PRKCG: variants seen among roughly 807,000 people sequenced by gnomAD.
PRKCG encodes the protein protein kinase C gamma.
In PRKCG, 28 loss-of-function variants were observed where a neutral mutation model predicts 82.0. The observed-to-expected ratio is 0.34, with a 90% confidence interval of 0.25 to 0.47. The LOEUF is 0.47. PRKCG is among the 20% of genes least tolerant of loss of function. The pLI is 1.00. For synonymous variants in PRKCG, 383 were observed against 376.6 expected (o/e 1.02, Z -0.20); for missense variants, 640 against 952.7 (o/e 0.67, Z 4.32).
At chr19:53,891,948 CAGA>C (rs2068679758) in intron 6 of PRKCG, 118 bp downstream of exon 6, 4 of 1,318,268 alleles carry the variant, frequency 3.0e-6, no homozygotes, top group Non-Finnish European at 3.2e-6. Context: ...CAGAAAAGGG[CAGA>C]AGAAGATGGT....
At position 53,883,434 on chromosome 19, in the gene PRKCG, A is replaced by C. The variant is rs1568749330; in HGVS notation, c.202+240A>C. Among the ~76,000 whole-genome samples the C allele has an allele frequency of 6.8e-6, 1 of 147,776 alleles. No homozygotes were observed. Among genetic ancestry groups the C allele is most frequent in the Admixed American group, 6.7e-5 (1 of 14,862 alleles). ...GCTCCAGGTGGGGACAGATATTTGG[A>C]GAATCTGTTGCCATGGGAACATGGA... On this transcript the variant is annotated intron_variant, in intron 2 of 17. Coordinates refer to ENST00000263431, the MANE Select transcript of PRKCG (RefSeq NM_002739.5). This position sits in a 1 kb window ranked among gnomAD's most constrained non-coding sequence, Gnocchi z 5.4.
In PRKCG at chr19:53,883,333, C is replaced by T; in HGVS notation, c.202+139C>T. ...CCCGGGGCGGGGGGTGTGGCAGAGA[C>T]ACAGCCTGTGGTGGGGAGGGAGCTT... On this transcript the variant is annotated intron_variant, in intron 2 of 17. Transcript: ENST00000263431. The surrounding 1 kb of genome is among the most constrained non-coding windows in gnomAD (Gnocchi z 5.4). 1.9e-6 allele frequency: 2 copies of T among 1,075,514 alleles called. No individual in the cohort carries two copies. The highest frequency in any genetic ancestry group is 2.0e-5 in the Admixed American group (1 of 51,088). 66.6% of individuals were successfully genotyped at this position (1,075,514 alleles called of 1,614,324 possible).
chr19:53,907,151 T>G lies in PRKCG; in HGVS notation c.*256T>G. The G allele has an allele frequency of 2.6e-6, 2 of 773,238 alleles. No homozygotes were observed. The highest frequency in any genetic ancestry group is 2.0e-6 in the Non-Finnish European group (1 of 501,408). 47.9% of individuals were successfully genotyped at this position (773,238 alleles called of 1,614,324 possible). A position where few individuals can be genotyped will look rare whatever the true frequency, so the allele number is the denominator to read the frequency against. On this transcript the variant is annotated 3_prime_UTR_variant, in exon 18 of 18. Transcript: ENST00000263431. ...TCCCTGACCTTAGCGTTCTGGACTC[T>G]GCCCCAATCGGGTCCAGAGACCACA...
In PRKCG at chr19:53,889,537, C is replaced by T; in HGVS notation, c.286-101C>T. 1 of 839,040 alleles carries T rather than the reference C, an allele frequency of 1.2e-6. No homozygotes were observed. The highest frequency in any genetic ancestry group is 1.4e-5 in the South Asian group (1 of 70,170). The allele number at this position is 839,040 out of a possible 1,614,324, so 52.0% of individuals were successfully genotyped here. A position where few individuals can be genotyped will look rare whatever the true frequency, so the allele number is the denominator to read the frequency against. ...AGAGTGAAAGAGATGGAGCCTCAGGCTGACCTAGAGAGCAAGGCAGGAGGA... is the reference window on the plus strand; with the variant it reads ...AGAGTGAAAGAGATGGAGCCTCAGGTTGACCTAGAGAGCAAGGCAGGAGGA... On this transcript the variant is annotated intron_variant, in intron 3 of 17. Transcript: ENST00000263431. This position sits in a 1 kb window ranked among gnomAD's most constrained non-coding sequence, Gnocchi z 4.4.
chr19:53,906,273 A>G, intron 16 of PRKCG, 44 bp from the exon 17 acceptor site: 1 of 1,547,384 alleles, frequency 6.5e-7, no homozygotes, highest in Non-Finnish European at 8.7e-7. Flanking sequence ...CCTGTCCGGC[A>G]CTCTGTCTGT....
In PRKCG at chr19:53,892,465, C is replaced by G. The variant is rs760501192; in HGVS notation, c.687-44C>G. 25 of 1,595,278 alleles carry G rather than the reference C, an allele frequency of 1.6e-5. No individual in the cohort carries two copies. The highest frequency in any genetic ancestry group is 1.7e-4 in the Middle Eastern group (1 of 6,018). On this transcript the variant is annotated intron_variant, in intron 6 of 17. Coordinates refer to ENST00000263431, the MANE Select transcript of PRKCG (RefSeq NM_002739.5). The surrounding 1 kb of genome is among the most constrained non-coding windows in gnomAD (Gnocchi z 5.9). ...ACCAAGGATGGGGAACCGAGGGGAG[C>G]CATGAGCTCGGCTCTGCACCCCATC...
Position 53,892,697 on chromosome 19 carries a change from T to C in PRKCG, c.821+54T>C. On this transcript the variant is annotated intron_variant, in intron 7 of 17. Transcript: ENST00000263431. The surrounding 1 kb of genome is among the most constrained non-coding windows in gnomAD (Gnocchi z 5.9). ...GGAGCGCAATATTACCATCTCCATC[T>C]GTGTGTGGTCTCTCTCCTCCAGGCC... 1.3e-6 allele frequency: 2 copies of C among 1,585,190 alleles called. No homozygotes were observed. The highest frequency in any genetic ancestry group is 1.7e-6 in the Non-Finnish European group (2 of 1,169,882).
In PRKCG at chr19:53,882,459, A is replaced by G. The variant is rs1020792965; in HGVS notation, c.-36A>G. Reference sequence around the variant, plus strand: ...CCCTTCCACCTGTTTCCCCCAAGAAAGGCAGGATCCTGGTCCCTGCTACGT... The same window carrying G: ...CCCTTCCACCTGTTTCCCCCAAGAAGGGCAGGATCCTGGTCCCTGCTACGT... On this transcript the variant is annotated 5_prime_UTR_variant, in exon 1 of 18. Transcript: ENST00000263431. The surrounding 1 kb of genome is among the most constrained non-coding windows in gnomAD (Gnocchi z 6.1). 3.1e-6 allele frequency: 5 copies of G among 1,594,282 alleles called. No individual in the cohort carries two copies. In the African/African-American group the frequency reaches 5.4e-5, roughly 17 times the overall value.
In PRKCG at chr19:53,884,273, T is replaced by C. The variant is rs779704798; in HGVS notation, c.285+30T>C. On this transcript the variant is annotated intron_variant, in intron 3 of 17. Coordinates refer to ENST00000263431, the MANE Select transcript of PRKCG (RefSeq NM_002739.5). This position sits in a 1 kb window ranked among gnomAD's most constrained non-coding sequence, Gnocchi z 4.6. ...GTGCTCGGACACCTGGTTCTCCTCC[T>C]CGGGCCGTGCCCCCGCCCTCACCCC... 100 of 1,605,508 alleles carry C rather than the reference T, an allele frequency of 6.2e-5. No individual in the cohort carries two copies. The highest frequency in any genetic ancestry group is 8.2e-5 in the Non-Finnish European group (96 of 1,173,256).
intron 9 of PRKCG, among the ~76,000 whole-genome samples, chr19:53,897,400 G>T (rs1200338259): frequency 3.3e-5 from 5 of 152,100 alleles, no homozygotes; most frequent in African/African-American, 1.2e-4. Flanking sequence ...TGAAAGCCAG[G>T]TGTGCTCCCT....
At position 53,882,968 on chromosome 19, in the gene PRKCG, G is replaced by A. The variant is rs988234851; in HGVS notation, c.171-195G>A. 1.3e-5 allele frequency among the ~76,000 whole-genome samples: 2 copies of A among 151,958 alleles called. No homozygotes were observed. The highest frequency in any genetic ancestry group is 2.9e-5 in the Non-Finnish European group (2 of 67,968). On this transcript the variant is annotated intron_variant, in intron 1 of 17. Coordinates refer to ENST00000263431, the MANE Select transcript of PRKCG (RefSeq NM_002739.5). This position sits in a 1 kb window ranked among gnomAD's most constrained non-coding sequence, Gnocchi z 6.1. ...CTGGGTCTGAAGGAGGAAGAAACTG[G>A]GGGCTGAACTCCAGTCTAAGGGAAG...
chr19:53,891,668 G>A lies in PRKCG; in HGVS notation c.530-6G>A, dbSNP rs375941615. On this transcript the variant is annotated splice_polypyrimidine_tract_variant and splice_region_variant and intron_variant, in intron 5 of 17. Transcript: ENST00000263431. ...CCCGTCACACTCTTCCTCACTCCCC[G>A]TTTAGTTGGCGAGGCCCGTAACCTA... The A allele has an allele frequency of 1.7e-5, 27 of 1,613,480 alleles. No homozygotes were observed. In the African/African-American group the frequency reaches 1.9e-4, roughly 11 times the overall value.
rs1013085428 is a variant in PRKCG at position 53,907,111 on chromosome 19, C to T, written c.*216C>T. ...AGCCGTCCCGCGTTCAAGACTTGAGCGGAGCCCGATATTCTCCCTGACCTT... is the reference window on the plus strand; with the variant it reads ...AGCCGTCCCGCGTTCAAGACTTGAGTGGAGCCCGATATTCTCCCTGACCTT... On this transcript the variant is annotated 3_prime_UTR_variant, in exon 18 of 18. Coordinates refer to ENST00000263431, the MANE Select transcript of PRKCG (RefSeq NM_002739.5). 2 of 1,126,634 alleles carry T rather than the reference C, an allele frequency of 1.8e-6. No homozygotes were observed. Among genetic ancestry groups the T allele is most frequent in the African/African-American group, 3.1e-5 (2 of 63,884 alleles). 69.8% of individuals were successfully genotyped at this position (1,126,634 alleles called of 1,614,324 possible). A position where few individuals can be genotyped will look rare whatever the true frequency, so the allele number is the denominator to read the frequency against.
chr19:53,882,015 T>TG (rs1185822602), upstream of PRKCG, among the ~76,000 whole-genome samples: 3 of 150,814 alleles, frequency 2.0e-5, no homozygotes, highest in African/African-American at 7.3e-5. The surrounding 1 kb of genome is among the most constrained non-coding windows in gnomAD (Gnocchi z 6.1). Flanking sequence ...TGCAGGGTGG[T>TG]GGGGGGGAGC....
chr19:53,906,258 G>A lies in PRKCG; in HGVS notation c.1765-59G>A, dbSNP rs45548139. On this transcript the variant is annotated intron_variant, in intron 16 of 17. Coordinates refer to ENST00000263431, the MANE Select transcript of PRKCG (RefSeq NM_002739.5). ...CCTGTCTCTGTCCCTCTTTCTCTGG[G>A]TCTACCTGTCCGGCACTCTGTCTGT... 0.015 allele frequency: 22,505 copies of A among 1,547,290 alleles called. 603 individuals are homozygous for A. Among genetic ancestry groups the A allele is most frequent in the East Asian group, 0.14 (5,602 of 40,800 alleles).
chr19:53,895,531 C>T (rs1210214306), intron 9 of PRKCG, among the ~76,000 whole-genome samples: 1 of 148,838 alleles, frequency 6.7e-6, no homozygotes, highest in African/African-American at 2.5e-5. Flanking sequence ...CTTCAAGATT[C>T]AACAACAGCA....
In PRKCG at chr19:53,888,653, C is replaced by T. The variant is rs185503073; in HGVS notation, c.286-985C>T. On this transcript the variant is annotated intron_variant, in intron 3 of 17. Transcript: ENST00000263431. Reference sequence around the variant, plus strand: ...TATTGGGAGCATCTAACGTGGTAGGCACAGCTATGTTTTGTACACCAATTA... The same window carrying T: ...TATTGGGAGCATCTAACGTGGTAGGTACAGCTATGTTTTGTACACCAATTA... Among the ~76,000 whole-genome samples, 54 of 152,216 alleles carry T rather than the reference C, an allele frequency of 3.5e-4. 1 individual carries two copies. The East Asian group carries it at 9.5e-3, about 27-fold the overall frequency.
chr19:53,891,956 G>A, intron 6 of PRKCG, 126 bp downstream of exon 6: 1 of 1,250,218 alleles, frequency 8.0e-7, no homozygotes, highest in Non-Finnish European at 1.2e-6. Flanking sequence ...GGCAGAAGAA[G>A]ATGGTGGGAA....
At chr19:53,905,135 A>G (rs1168354866) in intron 16 of PRKCG, among the ~76,000 whole-genome samples, 3 of 152,116 alleles carry the variant, frequency 2.0e-5, no homozygotes, top group Admixed American at 6.5e-5. Flanking sequence ...GTTGACACAG[A>G]AGAAAGCACC....
Sources: allele counts gnomAD v4.1 joint callset (sites outside exome capture counted in the v4.1 genomes callset), GRCh38; gene constraint gnomAD v4.1.1; non-coding constraint Gnocchi (gnomAD v3.1); transcripts MANE v1.5; gene names NCBI Gene and HGNC (gene_info 2026-07-23, HGNC 2026-07-21).